Variants in VEPH1 observed in about 807,000 individuals in gnomAD.
The protein encoded by VEPH1 is ventricular zone expressed PH domain containing 1.
VEPH1 carries 80 observed loss-of-function variants against 85.2 expected under a neutral mutation model. That is an observed-to-expected ratio of 0.94 (90% CI 0.78 to 1.13). VEPH1 has a LOEUF of 1.13. Ranked by LOEUF, VEPH1 falls within the 50% of genes most tolerant of loss-of-function variation. The probability of loss-of-function intolerance (pLI) is 0.00; values close to 1 mark genes in which losing one functional copy is unlikely to be tolerated. For synonymous variants in VEPH1, 297 were observed against 348.0 expected, an observed-to-expected ratio of 0.85 and a Z score of 1.63; for missense variants, 955 against 980.5, an observed-to-expected ratio of 0.97 and a Z score of 0.35.
chr3:157,325,751 T>C (rs1393220936), intron 9 of VEPH1, among the ~76,000 whole-genome samples: 1 of 152,168 alleles, frequency 6.6e-6, no homozygotes, highest in Admixed American at 6.6e-5. Flanking sequence ...AGCCTTGTAG[T>C]ATAGTTTGAA....
intron 5 of VEPH1, among the ~76,000 whole-genome samples, chr3:157,415,734 A>T (rs1731867556): frequency 6.6e-6 from 1 of 152,070 alleles, no homozygotes; most frequent in Admixed American, 6.5e-5. Flanking sequence ...CACATCAATT[A>T]TGATGAATTT....
At chr3:157,374,624 G>A (rs1727893215) in intron 7 of VEPH1, among the ~76,000 whole-genome samples, 1 of 152,204 alleles carries the variant, frequency 6.6e-6, no homozygotes, top group Non-Finnish European at 1.5e-5. Flanking sequence ...AGGCCAGGAT[G>A]GCATGTGCTG....
chr3:157,474,580 T>C (rs1737271087), intron 2 of VEPH1, among the ~76,000 whole-genome samples: 1 of 152,162 alleles, frequency 6.6e-6, no homozygotes, highest in Admixed American at 6.6e-5. Context: ...GTACATAGAG[T>C]ATACAGAAGT....
At chr3:157,478,031 A>G (rs992308802) in intron 2 of VEPH1, among the ~76,000 whole-genome samples, 1 of 152,148 alleles carries the variant, frequency 6.6e-6, no homozygotes, top group Non-Finnish European at 1.5e-5. Context: ...ACATTGCCCA[A>G]ATCCCCTCTC....
chr3:157,371,842 C>T (rs1267945444), intron 7 of VEPH1, among the ~76,000 whole-genome samples: 1 of 152,166 alleles, frequency 6.6e-6, no homozygotes, highest in Non-Finnish European at 1.5e-5. Flanking sequence ...CTGGCAGATA[C>T]TGGTTCAGAT....
chr3:157,438,035 GCGCACACACACACACACA>G (rs1733797579), intron 4 of VEPH1: 2 of 701,928 alleles, frequency 2.8e-6, no homozygotes, highest in African/African-American at 5.9e-5. Flanking sequence ...GCGCGCGCGC[GCGCACACACACACACACA>G]CACACACACA....
intron 2 of VEPH1, chr3:157,489,057 C>T: frequency 4.4e-6 from 2 of 454,794 alleles, no homozygotes; most frequent in Admixed American, 4.7e-5. Flanking sequence ...ACACTTACCA[C>T]CACCACTGCT....
chr3:157,325,012 CT>C (rs1351923658), intron 9 of VEPH1, among the ~76,000 whole-genome samples: 1 of 152,138 alleles, frequency 6.6e-6, no homozygotes, highest in African/African-American at 2.4e-5. Context: ...GTTTTATTGA[CT>C]TTCTAATAAT....
chr3:157,472,924 C>T (rs1196180398), intron 2 of VEPH1, among the ~76,000 whole-genome samples: 2 of 152,006 alleles, frequency 1.3e-5, no homozygotes, highest in Admixed American at 6.6e-5. Context: ...CATTGATGGG[C>T]ATTTAGGTTG....
Position 157,264,804 on chromosome 3 carries a change from G to A in VEPH1, c.2265+722C>T, listed in dbSNP as rs200035758. 2.0e-5 allele frequency among the ~76,000 whole-genome samples: 3 copies of A among 152,168 alleles called. No individual in the cohort carries two copies. In the East Asian group the frequency reaches 5.8e-4, roughly 29 times the overall value. ...GATTATTTTCTAAAATAGCCAAGAA[G>A]TAGGTCAAGATTTGATTCCTCTTGA... On this transcript the variant is annotated intron_variant, in intron 13 of 13. Transcript: ENST00000362010.
At chr3:157,472,009 T>A (rs1458441961) in intron 2 of VEPH1, among the ~76,000 whole-genome samples, 1 of 152,138 alleles carries the variant, frequency 6.6e-6, no homozygotes, top group African/African-American at 2.4e-5. Context: ...TAAAAGTTAA[T>A]CTCCCTGTCA....
chr3:157,328,007 C>A (rs1577350663), intron 9 of VEPH1, among the ~76,000 whole-genome samples: 1 of 152,158 alleles, frequency 6.6e-6, no homozygotes, highest in African/African-American at 2.4e-5. Context: ...CGAGACTTTC[C>A]TATTTACCAG....
intron 4 of VEPH1, among the ~76,000 whole-genome samples, chr3:157,444,285 G>A (rs1734375230): frequency 6.6e-6 from 1 of 152,198 alleles, no homozygotes; most frequent in Admixed American, 6.5e-5. Flanking sequence ...AGGACCAGGA[G>A]TAATTTTGTA....
At chr3:157,500,544 G>T (rs1740020342) in intron 1 of VEPH1, among the ~76,000 whole-genome samples, 1 of 152,144 alleles carries the variant, frequency 6.6e-6, no homozygotes, top group Non-Finnish European at 1.5e-5. Flanking sequence ...TCCCCTTGAA[G>T]AATTCCTTTA....
At position 157,323,787 on chromosome 3, in the gene VEPH1, C is replaced by T. The variant is rs1229292182; in HGVS notation, c.1736-6586G>A. Reference sequence around the variant, plus strand: ...GGTGTACAAAGACCTATGCTTTGACCCTGATTTTGAGGAAAAAAATAAAAA... The same window carrying T: ...GGTGTACAAAGACCTATGCTTTGACTCTGATTTTGAGGAAAAAAATAAAAA... On this transcript the variant is annotated intron_variant, in intron 9 of 13. Transcript: ENST00000362010. Among the ~76,000 whole-genome samples, 3 of 151,958 alleles carry T rather than the reference C, an allele frequency of 2.0e-5. No individual in the cohort carries two copies. In the South Asian group the frequency reaches 6.2e-4, roughly 32 times the overall value.
At chr3:157,392,856 ATTG>A (rs1367875640) in intron 6 of VEPH1, among the ~76,000 whole-genome samples, 1 of 152,162 alleles carries the variant, frequency 6.6e-6, no homozygotes, top group Non-Finnish European at 1.5e-5. Flanking sequence ...CCTATCACTA[ATTG>A]TATCTCACCC....
chr3:157,305,824 T>C (rs1053776386), intron 11 of VEPH1, among the ~76,000 whole-genome samples: 1 of 152,242 alleles, frequency 6.6e-6, no homozygotes, highest in Non-Finnish European at 1.5e-5. Context: ...TGCCTACTAA[T>C]AAGGCTGAAT....
At chr3:157,482,886 T>C (rs1040381169) in intron 2 of VEPH1, among the ~76,000 whole-genome samples, 1 of 152,178 alleles carries the variant, frequency 6.6e-6, no homozygotes, top group Non-Finnish European at 1.5e-5. Flanking sequence ...TAGGACCCTT[T>C]TGGTGGTATC....
intron 1 of VEPH1, among the ~76,000 whole-genome samples, chr3:157,502,361 C>G (rs1740187250): frequency 6.6e-6 from 1 of 152,198 alleles, no homozygotes; most frequent in African/African-American, 2.4e-5. Flanking sequence ...ATGAGAAACA[C>G]TTATCTTCAA....
Sources: gnomAD v4.1 joint callset for allele counts (sites outside exome capture counted in the v4.1 genomes callset) on GRCh38, gnomAD v4.1.1 for gene constraint, MANE v1.5 for transcripts, NCBI Gene and HGNC (gene_info 2026-07-23, HGNC 2026-07-21) for gene names.